Variants in STX18 observed in about 807,000 individuals in gnomAD.
The protein encoded by STX18 is syntaxin 18, also known as syntaxin-18.
A neutral mutation model predicts 50.1 loss-of-function variants in STX18; 40 were observed. The ratio of observed to expected loss-of-function variants is 0.80; its 90% CI spans 0.62 to 1.04. The LOEUF is 1.04. STX18 is among the 50% of genes least tolerant of loss of function. The probability of loss-of-function intolerance (pLI) is 0.00; values close to 1 mark genes in which losing one functional copy is unlikely to be tolerated. For synonymous variants in STX18, 158 were observed against 151.8 expected (o/e 1.04, Z -0.30); for missense variants, 410 against 415.8 (o/e 0.99, Z 0.12).
In STX18 at chr4:4,420,175, G is replaced by T. The variant is rs774591850; in HGVS notation, c.913-46C>A. 3.9e-5 allele frequency: 59 copies of T among 1,520,434 alleles called. No homozygotes were observed. The highest frequency in any genetic ancestry group is 3.8e-4 in the Admixed American group (20 of 52,532). 94.2% of individuals were successfully genotyped at this position (1,520,434 alleles called of 1,614,324 possible). ...AGGTGTTTTTATCACACAGGATTTTGGTTTGAGCAGCCCTGAAATGCCCCC... is the reference window on the plus strand; with the variant it reads ...AGGTGTTTTTATCACACAGGATTTTTGTTTGAGCAGCCCTGAAATGCCCCC... On this transcript the variant is annotated intron_variant, in intron 10 of 10. Coordinates refer to ENST00000306200, the MANE Select transcript of STX18 (RefSeq NM_016930.4). The surrounding 1 kb of genome is among the most constrained non-coding windows in gnomAD (Gnocchi z 4.3).
At chr4:4,513,687 AC>A (rs569384615) in intron 1 of STX18, among the ~76,000 whole-genome samples, 161 of 152,344 alleles carry the variant, frequency 1.1e-3, no homozygotes, top group African/African-American at 3.8e-3. Context: ...TTAAACAGAT[AC>A]CCGACAAAAC....
At chr4:4,437,579 C>T in intron 6 of STX18, 6 of 982,522 alleles carry the variant, frequency 6.1e-6, no homozygotes, top group Non-Finnish European at 7.3e-6. Context: ...GATACTCAAC[C>T]TGTAATTTCT....
chr4:4,530,228 C>A (rs1357801840), intron 1 of STX18, among the ~76,000 whole-genome samples: 1 of 152,064 alleles, frequency 6.6e-6, no homozygotes, highest in Non-Finnish European at 1.5e-5. Flanking sequence ...TCACCCAAGT[C>A]CCATCACTCA....
At chr4:4,480,210 G>A (rs139065575) in intron 1 of STX18, among the ~76,000 whole-genome samples, 22 of 152,222 alleles carry the variant, frequency 1.4e-4, no homozygotes, top group Non-Finnish European at 2.5e-4. Flanking sequence ...CAGTTACTAC[G>A]TAAAATCCTT....
At chr4:4,447,703 C>T (rs1368874971) in intron 5 of STX18, among the ~76,000 whole-genome samples, 2 of 145,484 alleles carry the variant, frequency 1.4e-5, no homozygotes, top group Non-Finnish European at 3.0e-5. Flanking sequence ...GCACAGTCTA[C>T]ATCACATAGT....
At chr4:4,492,554 G>C (rs1728989181) in intron 1 of STX18, among the ~76,000 whole-genome samples, 1 of 152,134 alleles carries the variant, frequency 6.6e-6, no homozygotes, top group Non-Finnish European at 1.5e-5. Context: ...TCATGGGGAG[G>C]TCACTTTGTT....
At position 4,420,839 on chromosome 4, in the gene STX18, C is replaced by T. The variant is rs1724912298; in HGVS notation, c.912+25G>A. On this transcript the variant is annotated intron_variant, in intron 10 of 10. Coordinates refer to ENST00000306200, the MANE Select transcript of STX18 (RefSeq NM_016930.4). This position sits in a 1 kb window ranked among gnomAD's most constrained non-coding sequence, Gnocchi z 4.3. ...GGACTCAGTGCTGCGCCACGTCGCA[C>T]CTGGGGAACCTAAACAGTGCCTACC... is the stretch of plus-strand genomic sequence containing the variant. 1.9e-6 allele frequency: 3 copies of T among 1,608,796 alleles called. No homozygotes were observed.
At chr4:4,484,018 T>C (rs112535304) in intron 1 of STX18, among the ~76,000 whole-genome samples, 2,142 of 152,028 alleles carry the variant, frequency 0.014, 22 homozygotes, top group Non-Finnish European at 0.025. Context: ...CGTGCCACCA[T>C]GCCCAGCTAA....
chr4:4,528,707 G>A (rs1289500442), intron 1 of STX18, among the ~76,000 whole-genome samples: 1 of 152,208 alleles, frequency 6.6e-6, no homozygotes, highest in Non-Finnish European at 1.5e-5. Context: ...CCTGCTGCTG[G>A]CTCACAGCCG....
chr4:4,481,261 G>A (rs1195819606), intron 1 of STX18, among the ~76,000 whole-genome samples: 1 of 152,192 alleles, frequency 6.6e-6, no homozygotes, highest in African/African-American at 2.4e-5. Flanking sequence ...GGTTTGACTT[G>A]CAAACCCCCT....
chr4:4,484,267 G>A (rs1728605004), intron 1 of STX18, among the ~76,000 whole-genome samples: 2 of 152,138 alleles, frequency 1.3e-5, no homozygotes, highest in African/African-American at 4.8e-5. Flanking sequence ...ACAGTTTCCA[G>A]AATAGAATCA....
At chr4:4,448,860 A>C (rs1438188137) in intron 5 of STX18, among the ~76,000 whole-genome samples, 1 of 151,988 alleles carries the variant, frequency 6.6e-6, no homozygotes, top group Non-Finnish European at 1.5e-5. Context: ...TTCCAACCCA[A>C]CACCACAGGG....
intron 1 of STX18, among the ~76,000 whole-genome samples, chr4:4,474,911 T>C (rs1264079572): frequency 6.6e-6 from 1 of 152,210 alleles, no homozygotes; most frequent in African/African-American, 2.4e-5. Context: ...AGCCACAAGT[T>C]TGATGTAATT....
intron 2 of STX18, among the ~76,000 whole-genome samples, chr4:4,471,113 T>C (rs1283635734): frequency 6.6e-6 from 1 of 152,042 alleles, no homozygotes; most frequent in Non-Finnish European, 1.5e-5. Context: ...GTCAAAAGCC[T>C]GGGAGAAGGA....
In STX18 at chr4:4,419,224, G is replaced by A. The variant is rs1724780109; in HGVS notation, c.*810C>T. ...CAGTTCCTGGAGGTCAGAAGCACAG[G>A]CACGAGAGAAGCAGGCCCGTTCTTC... is the stretch of plus-strand genomic sequence containing the variant. On this transcript the variant is annotated 3_prime_UTR_variant, in exon 11 of 11. Transcript: ENST00000306200. 6.6e-6 allele frequency: 1 copy of A among 152,224 alleles called. No individual in the cohort carries two copies. Among genetic ancestry groups the A allele is most frequent in the Non-Finnish European group, 1.5e-5 (1 of 68,046 alleles). 9.4% of individuals were successfully genotyped at this position (152,224 alleles called of 1,614,324 possible). A position where few individuals can be genotyped will look rare whatever the true frequency, so the allele number is the denominator to read the frequency against.
intron 5 of STX18, among the ~76,000 whole-genome samples, chr4:4,441,217 A>G (rs1438886026): frequency 6.6e-6 from 1 of 152,190 alleles, no homozygotes; most frequent in Admixed American, 6.5e-5. Flanking sequence ...CACATTCACG[A>G]TGGTCCACTG....
chr4:4,505,959 C>T (rs909510062), intron 1 of STX18, among the ~76,000 whole-genome samples: 3 of 152,144 alleles, frequency 2.0e-5, no homozygotes, highest in African/African-American at 7.2e-5. Flanking sequence ...TTTAACTTAG[C>T]ATATTTTCAA....
chr4:4,457,556 A>G, intron 3 of STX18, 56 bp from the exon 4 acceptor site: 1 of 1,303,566 alleles, frequency 7.7e-7, no homozygotes, highest in Non-Finnish European at 1.1e-6. Context: ...CTAAAGAGCA[A>G]TTCATCAGCT....
chr4:4,467,786 T>C (rs1727695109), intron 2 of STX18, among the ~76,000 whole-genome samples: 2 of 152,136 alleles, frequency 1.3e-5, no homozygotes, highest in Admixed American at 1.3e-4. Flanking sequence ...GATAGAACTT[T>C]TTTTCTAAGC....
Sources: allele counts gnomAD v4.1 joint callset (sites outside exome capture counted in the v4.1 genomes callset), GRCh38; gene constraint gnomAD v4.1.1; non-coding constraint Gnocchi (gnomAD v3.1); transcripts MANE v1.5; gene names NCBI Gene and HGNC (gene_info 2026-07-23, HGNC 2026-07-21).